Variants in TRMO observed in about 807,000 individuals in gnomAD.
TRMO encodes the protein tRNA (adenine(37)-N6)-methyltransferase.
Under a neutral mutation model 37.2 loss-of-function variants are expected in TRMO, and 30 were observed. The observed-to-expected ratio is 0.81, with a 90% CI of 0.60 to 1.09. TRMO has a LOEUF of 1.09. Ranked by LOEUF, TRMO falls within the 50% of genes least tolerant of loss-of-function variation. TRMO has a pLI of 0.00. For synonymous variants in TRMO, 239 were observed against 199.4 expected (o/e 1.20, Z -1.67); for missense variants, 552 against 549.5 (o/e 1.00, Z -0.05).
chr9:97,914,408 G>T (rs1160233785), intron 2 of TRMO, among the ~76,000 whole-genome samples: 2 of 152,170 alleles, frequency 1.3e-5, no homozygotes, highest in African/African-American at 2.4e-5. Context: ...GTTGGGAAGG[G>T]TGTAAGAAAA....
At chr9:97,901,591 C>A (rs1466197489), downstream of TRMO, among the ~76,000 whole-genome samples, 8 of 151,872 alleles carry the variant, frequency 5.3e-5, no homozygotes, top group Admixed American at 5.2e-4. Context: ...CATGCACGCA[C>A]CAAAACAACT....
chr9:97,916,539 TAC>T (rs1233294769), intron 1 of TRMO, among the ~76,000 whole-genome samples: 1 of 152,078 alleles, frequency 6.6e-6, no homozygotes, highest in Non-Finnish European at 1.5e-5. Context: ...CATCATTACA[TAC>T]ATAGTAATAT....
chr9:97,909,946 G>A lies in TRMO; in HGVS notation c.1066+14C>T, dbSNP rs750793522. Reference sequence around the variant, plus strand: ...AAGTTCATCTCTCATTCAGAATGAAGAAACTGAAGATACCTTGTGAACTGA... The same window carrying A: ...AAGTTCATCTCTCATTCAGAATGAAAAAACTGAAGATACCTTGTGAACTGA... On this transcript the variant is annotated intron_variant, in intron 4 of 4. Coordinates refer to ENST00000375119, the MANE Select transcript of TRMO (RefSeq NM_016481.5). 12 of 1,500,124 alleles carry A rather than the reference G, an allele frequency of 8.0e-6. No individual in the cohort carries two copies. The African/African-American group carries it at 1.5e-4, about 19-fold the overall frequency. 92.9% of individuals were successfully genotyped at this position (1,500,124 alleles called of 1,614,324 possible).
chr9:97,904,658 A>G lies in TRMO; in HGVS notation c.*75T>C, dbSNP rs562717025. ...ACAAAGTGTTGCTTCTCGACACAAC[A>G]TTAGCTTGTTCAGAAAATCCAAAAG... is the stretch of plus-strand genomic sequence containing the variant. On this transcript the variant is annotated 3_prime_UTR_variant, in exon 5 of 5. Transcript: ENST00000375119. 24 of 1,583,694 alleles carry G rather than the reference A, an allele frequency of 1.5e-5. No individual in the cohort carries two copies. The African/African-American group carries it at 2.7e-4, about 18-fold the overall frequency.
In TRMO at chr9:97,910,595, C is replaced by G; in HGVS notation, c.431G>C (p.Gly144Ala). The G allele has an allele frequency of 6.2e-7, 1 of 1,613,920 alleles. No homozygotes were observed. The highest frequency in any genetic ancestry group is 8.5e-7 in the Non-Finnish European group (1 of 1,179,962). The change falls in exon 4 of 5, where the codon GGA (glycine) becomes GCA (alanine). Residue 144 changes from glycine (G) to alanine (A), a missense_variant. Gly to Ala is a moderately conservative substitution (Grantham distance 60). Coordinates refer to ENST00000375119, the MANE Select transcript of TRMO (RefSeq NM_016481.5). ...GGGTGTGCCATGTATCATGTCAATT[C>G]CAGAAAGGTATATAGCTCCACCTAT... Reference protein sequence around the residue: ...KVEGGAIYLSGIDMIHGTPVL... With the variant: ...KVEGGAIYLSAIDMIHGTPVL...
At chr9:97,905,111 G>C (rs550016119) in intron 4 of TRMO, 119 bp from the exon 5 acceptor site, 2 of 1,097,052 alleles carry the variant, frequency 1.8e-6, no homozygotes, top group East Asian at 2.4e-5. Context: ...GACAGGGTTT[G>C]GAAAACTATT....
intron 4 of TRMO, among the ~76,000 whole-genome samples, chr9:97,908,144 G>A (rs992679007): frequency 1.3e-5 from 2 of 152,158 alleles, no homozygotes; most frequent in Non-Finnish European, 2.9e-5. Flanking sequence ...TGGGCACGGT[G>A]GCTCACACCT....
intron 4 of TRMO, among the ~76,000 whole-genome samples, chr9:97,905,458 G>C (rs1825817084): frequency 6.6e-6 from 1 of 152,140 alleles, no homozygotes; most frequent in African/African-American, 2.4e-5. Context: ...AGGCGAGAGA[G>C]GCTGCACCAG....
At chr9:97,914,649 T>A (rs3780417) in intron 2 of TRMO, among the ~76,000 whole-genome samples, 33,987 of 151,982 alleles carry the variant, frequency 0.22, 4,044 homozygotes, top group Non-Finnish European at 0.26. Flanking sequence ...TTACAAAATA[T>A]ACATCTATAT....
downstream of TRMO, among the ~76,000 whole-genome samples, chr9:97,903,395 A>C (rs1249003634): frequency 1.3e-5 from 2 of 152,256 alleles, no homozygotes; most frequent in Admixed American, 6.5e-5. Context: ...ATGACTCTGC[A>C]CAAGTATCCA....
At chr9:97,920,868 T>A (rs542875994) in intron 1 of TRMO, among the ~76,000 whole-genome samples, 95 of 152,352 alleles carry the variant, frequency 6.2e-4, no homozygotes, top group Non-Finnish European at 1.1e-3. Context: ...AACTTTAAAC[T>A]TTTCATATTC....
chr9:97,897,369 A>G, the TRMO span, among the ~76,000 whole-genome samples: 5 of 152,196 alleles, frequency 3.3e-5, no homozygotes, highest in Non-Finnish European at 7.3e-5. Flanking sequence ...GATTGTGAGT[A>G]TGTTCAGCTT....
chr9:97,906,095 T>C (rs968776758), intron 4 of TRMO, among the ~76,000 whole-genome samples: 1 of 150,800 alleles, frequency 6.6e-6, no homozygotes, highest in African/African-American at 2.4e-5. Flanking sequence ...GAGGTGGAGG[T>C]TGCAGTGAGC....
intron 4 of TRMO, among the ~76,000 whole-genome samples, chr9:97,906,683 C>G (rs941866457): frequency 1.1e-4 from 16 of 151,700 alleles, no homozygotes; most frequent in African/African-American, 3.4e-4. Context: ...GTTTAAAAAA[C>G]AAAACTTTCC....
intron 1 of TRMO, among the ~76,000 whole-genome samples, chr9:97,918,317 G>A (rs1192681953): frequency 2.0e-5 from 3 of 151,300 alleles, no homozygotes; most frequent in African/African-American, 7.3e-5. Context: ...CTTGACCCTG[G>A]GAGGCAGAGG....
intron 1 of TRMO, 80 bp from the exon 2 acceptor site, chr9:97,916,418 T>C (rs1418917913): frequency 1.6e-5 from 16 of 984,860 alleles, no homozygotes; most frequent in African/African-American, 3.3e-5. Flanking sequence ...CTCTAATGCA[T>C]TGGTTTCATA....
rs942934538 is a variant in TRMO, at chr9:97,922,287, GC to G, written c.76+130del. On this transcript the variant is annotated intron_variant, in intron 1 of 4. Transcript: ENST00000375119. ...GTGGTCTCCGCAGCACGTGACCCGT[GC>G]CTTCGCCGTAGGTAAAAGAATGACG... 5 of 662,138 alleles carry G rather than the reference GC, an allele frequency of 7.6e-6. No homozygotes were observed. In the African/African-American group the frequency reaches 9.0e-5, roughly 12 times the overall value. 41.0% of individuals were successfully genotyped at this position (662,138 alleles called of 1,614,324 possible).
chr9:97,918,386 CA>C (rs148191282), intron 1 of TRMO, among the ~76,000 whole-genome samples: 167 of 124,970 alleles, frequency 1.3e-3, no homozygotes, highest in Admixed American at 2.5e-3. Context: ...GACTCCATCT[CA>C]AAAAAAAAAA....
intron 3 of TRMO, 109 bp from the exon 4 acceptor site, chr9:97,910,725 A>G (rs1415508041): frequency 1.6e-6 from 2 of 1,274,240 alleles, no homozygotes; most frequent in South Asian, 1.4e-5. Context: ...GCACTTACTC[A>G]TAATTCTCTC....
Sources: gnomAD v4.1 joint callset for allele counts (sites outside exome capture counted in the v4.1 genomes callset) on GRCh38, gnomAD v4.1.1 for gene constraint, MANE v1.5 for transcripts, NCBI Gene and HGNC (gene_info 2026-07-23, HGNC 2026-07-21) for gene names.